Variants in SLC35F3 observed in about 807,000 individuals in gnomAD.
SLC35F3 encodes the protein solute carrier family 35 member F3, also known as putative thiamine transporter SLC35F3.
A neutral mutation model predicts 49.9 loss-of-function variants in SLC35F3; 25 were observed. The observed-to-expected ratio is 0.50, with a 90% confidence interval of 0.37 to 0.70. The LOEUF (loss-of-function observed/expected upper bound fraction) is 0.70, where lower values mean the gene tolerates loss of function less well. SLC35F3 is among the 30% of genes least tolerant of loss of function. The probability of loss-of-function intolerance (pLI) is 0.00; values close to 1 mark genes in which losing one functional copy is unlikely to be tolerated. For synonymous variants in SLC35F3, 275 were observed against 265.4 expected, an observed-to-expected ratio of 1.04 and a Z score of -0.35; for missense variants, 525 against 639.8, an observed-to-expected ratio of 0.82 and a Z score of 1.94.
intron 2 of SLC35F3, among the ~76,000 whole-genome samples, chr1:233,990,723 T>C (rs1383380732): frequency 2.0e-5 from 3 of 152,194 alleles, no homozygotes; most frequent in Non-Finnish European, 2.9e-5. Context: ...AACATTACAT[T>C]GCATACCTTG....
chr1:234,045,924 C>A (rs138671715), intron 2 of SLC35F3, among the ~76,000 whole-genome samples: 4 of 152,032 alleles, frequency 2.6e-5, no homozygotes, highest in African/African-American at 9.6e-5. Context: ...TTAGCAATAT[C>A]CTTGTTCAAC....
At chr1:234,081,385 T>C (rs1231915085) in intron 2 of SLC35F3, among the ~76,000 whole-genome samples, 1 of 152,158 alleles carries the variant, frequency 6.6e-6, no homozygotes, top group Non-Finnish European at 1.5e-5. Flanking sequence ...ATTGCAAACA[T>C]TGTTTTTGTT....
At chr1:234,076,789 G>C (rs1408541001) in intron 2 of SLC35F3, among the ~76,000 whole-genome samples, 2 of 151,904 alleles carry the variant, frequency 1.3e-5, no homozygotes, top group Non-Finnish European at 2.9e-5. Flanking sequence ...AAAAGAAAAA[G>C]CTAGAATCCT....
intron 2 of SLC35F3, among the ~76,000 whole-genome samples, chr1:233,966,936 T>C (rs924816866): frequency 2.0e-5 from 3 of 152,218 alleles, no homozygotes; most frequent in African/African-American, 7.2e-5. Flanking sequence ...ATTACTGGTA[T>C]TGTCTTTTTC....
intron 2 of SLC35F3, among the ~76,000 whole-genome samples, chr1:234,047,886 A>G (rs1040783402): frequency 2.6e-5 from 4 of 152,168 alleles, no homozygotes; most frequent in African/African-American, 9.7e-5. Context: ...TAAGAAGAGA[A>G]TTGAAGAGAA....
At chr1:234,092,113 C>G (rs531107323) in intron 2 of SLC35F3, among the ~76,000 whole-genome samples, 1 of 152,280 alleles carries the variant, frequency 6.6e-6, no homozygotes, top group South Asian at 2.1e-4. Context: ...GAACTTGGTG[C>G]CTACTGTGAG....
At chr1:234,262,596 G>T (rs538271545) in intron 3 of SLC35F3, among the ~76,000 whole-genome samples, 9 of 152,140 alleles carry the variant, frequency 5.9e-5, no homozygotes, top group Admixed American at 3.9e-4. Context: ...CCGGAGGGCC[G>T]CTGGCATTTG....
At position 234,111,493 on chromosome 1, in the gene SLC35F3, A is replaced by C. The variant is rs954357030; in HGVS notation, c.284-119924A>C. On this transcript the variant is annotated intron_variant, in intron 2 of 7. Transcript: ENST00000366618. ...TTTCAGTAGAGACGGGGGTCTCACC[A>C]TGCTGGCCAGGCTGGTCTCGAACTC... Among the ~76,000 whole-genome samples, 20 of 152,286 alleles carry C rather than the reference A, an allele frequency of 1.3e-4. 1 individual carries two copies. In the East Asian group the frequency reaches 3.7e-3, roughly 28 times the overall value.
chr1:234,170,873 C>T (rs10910368), intron 2 of SLC35F3, among the ~76,000 whole-genome samples: 103,435 of 152,138 alleles, frequency 0.68, 40,825 homozygotes, highest in Non-Finnish European at 0.91. Context: ...TGGGGACAGT[C>T]GGCCCCTCAG....
intron 2 of SLC35F3, among the ~76,000 whole-genome samples, chr1:233,908,506 G>A (rs189522975): frequency 1.2e-3 from 177 of 148,460 alleles, no homozygotes; most frequent in Non-Finnish European, 1.9e-3. Context: ...CGCAAGTTTC[G>A]CTCTAGACAA....
At chr1:234,162,724 G>A (rs1666247327) in intron 2 of SLC35F3, among the ~76,000 whole-genome samples, 1 of 152,176 alleles carries the variant, frequency 6.6e-6, no homozygotes, top group African/African-American at 2.4e-5. Context: ...AAGGATATCA[G>A]AGCAAAAAAG....
chr1:233,944,939 A>G lies in SLC35F3; in HGVS notation c.283+39181A>G, dbSNP rs548105121. ...ACCTGCATGATATCTGTAGCATATA[A>G]TTGGAAGAACAATTGCTATTGGTTG... On this transcript the variant is annotated intron_variant, in intron 2 of 7. Coordinates refer to ENST00000366618, the MANE Select transcript of SLC35F3 (RefSeq NM_173508.4). Among the ~76,000 whole-genome samples the G allele has an allele frequency of 5.9e-5, 9 of 152,264 alleles. No individual in the cohort carries two copies. In the South Asian group the frequency reaches 1.4e-3, roughly 25 times the overall value.
At chr1:234,250,517 A>G (rs1015825696) in intron 3 of SLC35F3, among the ~76,000 whole-genome samples, 1 of 151,424 alleles carries the variant, frequency 6.6e-6, no homozygotes, top group Non-Finnish European at 1.5e-5. Context: ...AGCCGGGCGT[A>G]GTGGCGGGCG....
At chr1:233,958,855 C>G (rs889179606) in intron 2 of SLC35F3, among the ~76,000 whole-genome samples, 1 of 152,178 alleles carries the variant, frequency 6.6e-6, no homozygotes, top group Non-Finnish European at 1.5e-5. Context: ...TTTTACTTGA[C>G]CTTTGAATAC....
At chr1:234,285,015 T>C (rs1422251043) in intron 3 of SLC35F3, 3 of 171,502 alleles carry the variant, frequency 1.7e-5, no homozygotes, top group African/African-American at 7.2e-5. Context: ...GTTCCAGAAA[T>C]TGTCAACATC....
chr1:234,220,108 A>C (rs757860547), intron 2 of SLC35F3, among the ~76,000 whole-genome samples: 1 of 152,184 alleles, frequency 6.6e-6, no homozygotes, highest in Non-Finnish European at 1.5e-5. Flanking sequence ...GAAGAGAAGA[A>C]AACACCATCC....
intron 2 of SLC35F3, among the ~76,000 whole-genome samples, chr1:234,177,545 A>G (rs749206932): frequency 3.9e-5 from 6 of 152,324 alleles, no homozygotes; most frequent in Non-Finnish European, 7.3e-5. Context: ...GAAGCCCCCA[A>G]TGCAAAGACC....
chr1:233,986,202 T>C (rs1420803348), intron 2 of SLC35F3, among the ~76,000 whole-genome samples: 14 of 152,354 alleles, frequency 9.2e-5, no homozygotes, highest in African/African-American at 3.4e-4. Flanking sequence ...AGTCTGTTTT[T>C]GCATTTCTTT....
intron 3 of SLC35F3, among the ~76,000 whole-genome samples, chr1:234,299,460 G>T (rs927126257): frequency 6.6e-6 from 1 of 152,092 alleles, no homozygotes; most frequent in Non-Finnish European, 1.5e-5. Flanking sequence ...AGAAGAAAAT[G>T]ACATCATTCA....
Sources: allele counts gnomAD v4.1 joint callset (sites outside exome capture counted in the v4.1 genomes callset), GRCh38; gene constraint gnomAD v4.1.1; transcripts MANE v1.5; gene names NCBI Gene and HGNC (gene_info 2026-07-23, HGNC 2026-07-21).